Variants in LRRC4C observed in about 807,000 individuals in gnomAD.
LRRC4C encodes leucine rich repeat containing 4C, also known as leucine-rich repeat-containing protein 4C.
LRRC4C carries 5 observed loss-of-function variants against 33.6 expected under a neutral mutation model. The ratio of observed to expected loss-of-function variants is 0.15; its 90% CI spans 0.08 to 0.31. The LOEUF (loss-of-function observed/expected upper bound fraction) is 0.31, where lower values mean the gene tolerates loss of function less well. Among genes scored for constraint, LRRC4C ranks in the 10% least tolerant of loss-of-function variants. The pLI is 1.00. For missense variants in LRRC4C, 560 were observed against 796.7 expected, an observed-to-expected ratio of 0.70 and a Z score of 3.58; for synonymous variants, 329 against 302.0, an observed-to-expected ratio of 1.09 and a Z score of -0.93.
chr11:40,835,179 C>T (rs1952614682), intron 2 of LRRC4C, among the ~76,000 whole-genome samples: 1 of 152,042 alleles, frequency 6.6e-6, no homozygotes, highest in Non-Finnish European at 1.5e-5. Context: ...AAAAGTGCTT[C>T]TCAAAGCAAC....
chr11:41,087,280 C>T (rs1254972095), intron 1 of LRRC4C, among the ~76,000 whole-genome samples: 1 of 152,082 alleles, frequency 6.6e-6, no homozygotes, highest in African/African-American at 2.4e-5. Flanking sequence ...TCTGGGCTAG[C>T]TCAATCTCCA....
chr11:40,832,464 CAAAT>C lies in LRRC4C; in HGVS notation c.-407+101167_-407+101170del, dbSNP rs566445979. 3.6e-3 allele frequency among the ~76,000 whole-genome samples: 542 copies of C among 152,128 alleles called. 8 individuals are homozygous for C. Among genetic ancestry groups the C allele is most frequent in the Middle Eastern group, 0.017 (5 of 294 alleles). On this transcript the variant is annotated intron_variant, in intron 2 of 6. Coordinates refer to ENST00000528697, the MANE Select transcript of LRRC4C (RefSeq NM_001258419.2). ...ATTGGAGATATAACAGTTCCTGTGA[CAAAT>C]AAAAAGTAGATAGAAACACGATACT... is the stretch of plus-strand genomic sequence containing the variant.
intron 2 of LRRC4C, among the ~76,000 whole-genome samples, chr11:40,913,599 A>C (rs1956796581): frequency 6.6e-6 from 1 of 152,208 alleles, no homozygotes; most frequent in East Asian, 1.9e-4. Context: ...AAAGCAGGAA[A>C]GATCTAAAAT....
chr11:40,216,942 A>G (rs1254507751), intron 5 of LRRC4C, among the ~76,000 whole-genome samples: 1 of 152,186 alleles, frequency 6.6e-6, no homozygotes, highest in Non-Finnish European at 1.5e-5. Context: ...GATCATTTTC[A>G]GTTCTGAGGA....
chr11:40,462,335 A>G (rs1200050602), intron 3 of LRRC4C, among the ~76,000 whole-genome samples: 1 of 152,098 alleles, frequency 6.6e-6, no homozygotes, highest in East Asian at 1.9e-4. Context: ...GGAAGCAGAG[A>G]TTTGCTTTTT....
chr11:40,266,572 G>T (rs1037828611), intron 4 of LRRC4C, among the ~76,000 whole-genome samples: 2 of 151,984 alleles, frequency 1.3e-5, no homozygotes, highest in Non-Finnish European at 2.9e-5. Flanking sequence ...ATAGCCTTTG[G>T]GAAGGCTATT....
chr11:41,394,442 C>T (rs1197419245), intron 1 of LRRC4C, among the ~76,000 whole-genome samples: 1 of 151,774 alleles, frequency 6.6e-6, no homozygotes, highest in Non-Finnish European at 1.5e-5. Context: ...GTAGTTATGC[C>T]AAGCAGTGGG....
chr11:41,108,557 G>T (rs1018236497), intron 1 of LRRC4C, among the ~76,000 whole-genome samples: 1 of 151,986 alleles, frequency 6.6e-6, no homozygotes, highest in South Asian at 2.1e-4. Flanking sequence ...GGCCCAGATC[G>T]CAAATTCATT....
intron 3 of LRRC4C, among the ~76,000 whole-genome samples, chr11:40,403,686 C>A (rs1448981091): frequency 1.3e-5 from 2 of 152,084 alleles, no homozygotes; most frequent in African/African-American, 4.8e-5. Flanking sequence ...CCATATCTGA[C>A]AGTCTGAGCT....
intron 3 of LRRC4C, among the ~76,000 whole-genome samples, chr11:40,383,928 TTA>T (rs200749514): frequency 0.065 from 9,264 of 143,394 alleles, 906 homozygotes; most frequent in African/African-American, 0.22. Context: ...CAAATTATTA[TTA>T]TTATTATTAT....
chr11:40,946,782 C>G (rs933543265), intron 1 of LRRC4C, among the ~76,000 whole-genome samples: 2 of 152,162 alleles, frequency 1.3e-5, no homozygotes, highest in Non-Finnish European at 1.5e-5. Context: ...AGACATCTAA[C>G]AGAGCACTGC....
chr11:41,175,088 A>C (rs555728740), intron 1 of LRRC4C, among the ~76,000 whole-genome samples: 81 of 151,830 alleles, frequency 5.3e-4, no homozygotes, highest in African/African-American at 1.8e-3. Context: ...TTTTCTTCCT[A>C]TTCCCACTAT....
At chr11:40,531,228 T>TC (rs1956258300) in intron 3 of LRRC4C, among the ~76,000 whole-genome samples, 1 of 152,114 alleles carries the variant, frequency 6.6e-6, no homozygotes, top group Admixed American at 6.6e-5. Flanking sequence ...TTGTATAGCT[T>TC]CCCCATTATC....
intron 6 of LRRC4C, among the ~76,000 whole-genome samples, chr11:40,127,012 G>C (rs2134741638): frequency 6.6e-6 from 1 of 152,108 alleles, no homozygotes; most frequent in South Asian, 2.1e-4. Flanking sequence ...AGGTGTAGTG[G>C]CTCACGCCTA....
chr11:41,120,271 C>G (rs1942353204), intron 1 of LRRC4C, among the ~76,000 whole-genome samples: 4 of 152,124 alleles, frequency 2.6e-5, no homozygotes, highest in Admixed American at 2.6e-4. Flanking sequence ...ATTCATCCAA[C>G]CTGCCAAAAA....
chr11:41,165,060 G>C (rs187106443), intron 1 of LRRC4C, among the ~76,000 whole-genome samples: 1 of 152,096 alleles, frequency 6.6e-6, no homozygotes, highest in South Asian at 2.1e-4. Flanking sequence ...TTAGTGCAAC[G>C]TGACGTTTTG....
chr11:41,167,143 T>G (rs1944765521), intron 1 of LRRC4C, among the ~76,000 whole-genome samples: 1 of 152,150 alleles, frequency 6.6e-6, no homozygotes, highest in South Asian at 2.1e-4. Flanking sequence ...ATTTATTTTC[T>G]GGAAAAAAAA....
chr11:40,659,407 C>T (rs147084787), intron 2 of LRRC4C, among the ~76,000 whole-genome samples: 1 of 152,102 alleles, frequency 6.6e-6, no homozygotes, highest in East Asian at 1.9e-4. Context: ...TACCTTCAAG[C>T]CAGGGATGTC....
At chr11:40,546,693 C>T (rs912872742) in intron 3 of LRRC4C, among the ~76,000 whole-genome samples, 3 of 152,034 alleles carry the variant, frequency 2.0e-5, no homozygotes, top group African/African-American at 7.2e-5. Flanking sequence ...AAGGAAGTGG[C>T]AAATATATAC....
Sources: gnomAD v4.1 joint callset for allele counts (sites outside exome capture counted in the v4.1 genomes callset) on GRCh38, gnomAD v4.1.1 for gene constraint, MANE v1.5 for transcripts, NCBI Gene and HGNC (gene_info 2026-07-23, HGNC 2026-07-21) for gene names.